FHIT: variants seen among roughly 807,000 people sequenced by gnomAD.
FHIT encodes the protein bis(5'-adenosyl)-triphosphatase.
Under a neutral mutation model 17.9 loss-of-function variants are expected in FHIT, and 19 were observed. The ratio of observed to expected loss-of-function variants is 1.06; its 90% CI spans 0.74 to 1.56. The LOEUF (loss-of-function observed/expected upper bound fraction) is 1.56, where lower values mean the gene tolerates loss of function less well. Ranked by LOEUF, FHIT falls within the 40% of genes most tolerant of loss-of-function variation. The pLI is 0.00. For synonymous variants in FHIT, 81 were observed against 69.7 expected, an observed-to-expected ratio of 1.16 and a Z score of -0.81; for missense variants, 248 against 189.2, an observed-to-expected ratio of 1.31 and a Z score of -1.82.
chr3:60,169,004 A>C (rs1404441130), intron 5 of FHIT, among the ~76,000 whole-genome samples: 1 of 152,188 alleles, frequency 6.6e-6, no homozygotes, highest in African/African-American at 2.4e-5. Flanking sequence ...AGCACTTGAA[A>C]TACAGTTGGA....
At chr3:61,046,944 C>A (rs868094326) in intron 2 of FHIT, among the ~76,000 whole-genome samples, 3 of 152,122 alleles carry the variant, frequency 2.0e-5, no homozygotes, top group South Asian at 2.1e-4. Flanking sequence ...ATTTGACAGG[C>A]CTTCATGCTA....
intron 3 of FHIT, among the ~76,000 whole-genome samples, chr3:61,021,895 A>T (rs1389377456): frequency 6.6e-6 from 1 of 152,190 alleles, no homozygotes; most frequent in African/African-American, 2.4e-5. Flanking sequence ...AGAAAGCAGG[A>T]AAGATCTAAA....
intron 5 of FHIT, among the ~76,000 whole-genome samples, chr3:60,514,481 T>C (rs751118198): frequency 2.6e-5 from 4 of 152,130 alleles, no homozygotes; most frequent in Non-Finnish European, 4.4e-5. Context: ...CCCGTTTCAC[T>C]GGGGCCTGTC....
chr3:60,087,000 A>T (rs188620539), intron 5 of FHIT, among the ~76,000 whole-genome samples: 1 of 152,174 alleles, frequency 6.6e-6, no homozygotes, highest in Non-Finnish European at 1.5e-5. Context: ...TCTATGAGTC[A>T]TCTCTAAAAT....
intron 4 of FHIT, among the ~76,000 whole-genome samples, chr3:60,793,562 C>G (rs1335542503): frequency 3.3e-5 from 5 of 152,216 alleles, no homozygotes. Flanking sequence ...CTCAGCCTCC[C>G]AAAGTGCTGG....
At position 61,089,580 on chromosome 3, in the gene FHIT, AC is replaced by A. The variant is rs1447950961; in HGVS notation, c.-163-47482del. On this transcript the variant is annotated intron_variant, in intron 2 of 9. Transcript: ENST00000492590. Reference sequence around the variant, plus strand: ...ATACTTCAGTAAAAAAAAATTGAATACAATTGTAAATATTTGTTTGAAACAC... The same window carrying A: ...ATACTTCAGTAAAAAAAAATTGAATAAATTGTAAATATTTGTTTGAAACAC... Among the ~76,000 whole-genome samples the A allele has an allele frequency of 1.5e-4, 23 of 152,314 alleles. No homozygotes were observed. The South Asian group carries it at 4.6e-3, about 30-fold the overall frequency.
At chr3:60,992,966 C>T (rs1035320724) in intron 3 of FHIT, among the ~76,000 whole-genome samples, 1 of 152,116 alleles carries the variant, frequency 6.6e-6, no homozygotes, top group Admixed American at 6.5e-5. Flanking sequence ...GATAGAGTGA[C>T]CCAACCCACA....
intron 1 of FHIT, among the ~76,000 whole-genome samples, chr3:61,221,394 G>A (rs2039833885): frequency 1.3e-5 from 2 of 152,198 alleles, no homozygotes; most frequent in South Asian, 2.1e-4. Context: ...CTGATGTTTT[G>A]CAGATGCAAT....
chr3:60,395,009 T>C (rs1203255101), intron 5 of FHIT, among the ~76,000 whole-genome samples: 1 of 152,178 alleles, frequency 6.6e-6, no homozygotes, highest in Non-Finnish European at 1.5e-5. Flanking sequence ...AGCTAGATGA[T>C]ACAATAAAAT....
At chr3:59,895,963 C>G (rs1403939098) in intron 8 of FHIT, among the ~76,000 whole-genome samples, 1 of 152,210 alleles carries the variant, frequency 6.6e-6, no homozygotes, top group East Asian at 1.9e-4. Flanking sequence ...TGCTCTTCAT[C>G]TAGATCCTTA....
intron 8 of FHIT, among the ~76,000 whole-genome samples, chr3:59,864,484 T>A (rs1702547032): frequency 6.6e-6 from 1 of 152,116 alleles, no homozygotes; most frequent in Non-Finnish European, 1.5e-5. Flanking sequence ...GGGTATGTTT[T>A]TATCAGCAGC....
intron 8 of FHIT, among the ~76,000 whole-genome samples, chr3:59,919,605 A>G (rs1705306269): frequency 6.6e-6 from 1 of 152,216 alleles, no homozygotes; most frequent in African/African-American, 2.4e-5. Flanking sequence ...GTGCCTAGAA[A>G]GAACACAATG....
intron 4 of FHIT, among the ~76,000 whole-genome samples, chr3:60,566,339 C>T (rs2037132609): frequency 6.6e-6 from 1 of 152,074 alleles, no homozygotes; most frequent in Non-Finnish European, 1.5e-5. Context: ...AGCATATAAA[C>T]AGAACCAACG....
chr3:59,883,874 A>T (rs1157436034), intron 8 of FHIT, among the ~76,000 whole-genome samples: 2 of 152,234 alleles, frequency 1.3e-5, no homozygotes, highest in Non-Finnish European at 2.9e-5. Context: ...TAGCTGTTAC[A>T]TGGTGAATAG....
At chr3:61,243,402 C>A (rs980380587) in intron 1 of FHIT, among the ~76,000 whole-genome samples, 1 of 152,108 alleles carries the variant, frequency 6.6e-6, no homozygotes, top group Non-Finnish European at 1.5e-5. Flanking sequence ...CTTTTTTCCT[C>A]CCTCACAATC....
intron 5 of FHIT, among the ~76,000 whole-genome samples, chr3:60,417,094 G>GAA (rs34479858): frequency 4.0e-5 from 4 of 98,774 alleles, no homozygotes; most frequent in Non-Finnish European, 6.7e-5. Flanking sequence ...ATCTCAGAAA[G>GAA]AAAAAAAAAA....
chr3:60,601,922 CAGAAAT>C (rs141118691), intron 4 of FHIT, among the ~76,000 whole-genome samples: 43,977 of 151,586 alleles, frequency 0.29, 7,856 homozygotes, highest in Admixed American at 0.43. Context: ...TCATTAGAAA[CAGAAAT>C]AGAAAAAGTC....
chr3:60,574,033 C>T (rs782721573), intron 4 of FHIT, among the ~76,000 whole-genome samples: 1 of 152,066 alleles, frequency 6.6e-6, no homozygotes, highest in Admixed American at 6.6e-5. Flanking sequence ...TGGTCTTGAA[C>T]TCCTGACCTC....
chr3:60,284,218 T>G (rs1023668165), intron 5 of FHIT, among the ~76,000 whole-genome samples: 5 of 152,214 alleles, frequency 3.3e-5, no homozygotes, highest in Non-Finnish European at 7.4e-5. Flanking sequence ...CACTTATTTC[T>G]CGAAAATGGA....
Sources: allele counts gnomAD v4.1 joint callset (sites outside exome capture counted in the v4.1 genomes callset), GRCh38; gene constraint gnomAD v4.1.1; transcripts MANE v1.5; gene names NCBI Gene and HGNC (gene_info 2026-07-23, HGNC 2026-07-21).